Variants in DENND2B observed in about 807,000 individuals in gnomAD.
DENND2B encodes DENN domain containing 2B.
DENND2B carries 32 observed loss-of-function variants against 116.0 expected under a neutral mutation model. The ratio of observed to expected loss-of-function variants is 0.28; its 90% confidence interval spans 0.21 to 0.37. The LOEUF (loss-of-function observed/expected upper bound fraction) is 0.37. Among genes scored for constraint, DENND2B ranks in the 10% least tolerant of loss-of-function variants. The pLI is 1.00. For synonymous variants in DENND2B, 588 were observed against 583.9 expected (o/e 1.01, Z -0.10); for missense variants, 1,276 against 1,477.7 (o/e 0.86, Z 2.24).
At chr11:8,724,139 C>CA (rs2046669963) in intron 4 of DENND2B, among the ~76,000 whole-genome samples, 1 of 151,956 alleles carries the variant, frequency 6.6e-6, no homozygotes, top group Non-Finnish European at 1.5e-5. Flanking sequence ...ACTAAAAATA[C>CA]AAAAAAATTA....
At chr11:8,835,585 G>A (rs1316274462) in intron 4 of DENND2B, 2 of 152,218 alleles carry the variant, frequency 1.3e-5, no homozygotes, top group Non-Finnish European at 2.9e-5. Flanking sequence ...GATGTGAGTA[G>A]GATCTGAAGA....
chr11:8,712,253 AAC>A lies in DENND2B; in HGVS notation c.2172+296_2172+297del, dbSNP rs370427518. ...TTGCACAATTCTGTGAATACACCCA[AAC>A]ACTGAACTGTATACATTAAGTGGGT... is the stretch of plus-strand genomic sequence containing the variant. On this transcript the variant is annotated intron_variant, in intron 9 of 19. Coordinates refer to ENST00000313726, the MANE Select transcript of DENND2B (RefSeq NM_213618.2). This position sits in a 1 kb window ranked among gnomAD's most constrained non-coding sequence, Gnocchi z 4.4. Among the ~76,000 whole-genome samples the A allele has an allele frequency of 3.3e-4, 50 of 152,220 alleles. No homozygotes were observed. The highest frequency in any genetic ancestry group is 1.2e-3 in the African/African-American group (48 of 41,564).
chr11:8,750,351 C>G (rs1385725844), intron 2 of DENND2B, among the ~76,000 whole-genome samples: 1 of 152,222 alleles, frequency 6.6e-6, no homozygotes, highest in Non-Finnish European at 1.5e-5. Context: ...GAAAAGGTTA[C>G]AAGCCAGAAG....
At chr11:8,748,330 G>C (rs1178083905) in intron 2 of DENND2B, among the ~76,000 whole-genome samples, 2 of 152,240 alleles carry the variant, frequency 1.3e-5, no homozygotes, top group African/African-American at 4.8e-5. Flanking sequence ...AAATACCTTG[G>C]AGAAAGAGAA....
At chr11:8,782,220 A>T (rs900238313) in intron 1 of DENND2B, among the ~76,000 whole-genome samples, 27 of 152,228 alleles carry the variant, frequency 1.8e-4, no homozygotes, top group African/African-American at 6.3e-4. Context: ...TTTAGAAATG[A>T]CTTTGAATGA....
chr11:8,885,303 G>T (rs553666225), intron 1 of DENND2B, among the ~76,000 whole-genome samples: 5 of 152,140 alleles, frequency 3.3e-5, no homozygotes, highest in Non-Finnish European at 7.3e-5. Context: ...CCCCACCCAC[G>T]GCTGCCTATA....
At chr11:8,694,159 G>A in intron 19 of DENND2B, 29 bp from the exon 20 acceptor site, 1 of 1,613,976 alleles carries the variant, frequency 6.2e-7, no homozygotes, top group Non-Finnish European at 8.5e-7. Flanking sequence ...AAGAGAGAAT[G>A]TTCAGTGTTA....
intron 4 of DENND2B, chr11:8,831,808 T>C (rs189380835): frequency 6.6e-6 from 1 of 152,310 alleles, no homozygotes; most frequent in East Asian, 1.9e-4. Context: ...TGTGTGTTCA[T>C]GCTCCCTTGG....
intron 2 of DENND2B, among the ~76,000 whole-genome samples, chr11:8,741,993 C>A (rs562598169): frequency 1.3e-5 from 2 of 152,316 alleles, no homozygotes; most frequent in African/African-American, 2.4e-5. Context: ...TGGGCTCAAG[C>A]GAGCCTCCCG....
intron 3 of DENND2B, among the ~76,000 whole-genome samples, chr11:8,854,755 C>A (rs1336900153): frequency 6.6e-6 from 1 of 152,120 alleles, no homozygotes; most frequent in African/African-American, 2.4e-5. Flanking sequence ...CTCTGCCACC[C>A]AGGCTGGAGT....
intron 5 of DENND2B, among the ~76,000 whole-genome samples, chr11:8,716,902 C>G (rs959680871): frequency 3.5e-4 from 54 of 152,340 alleles, no homozygotes; most frequent in African/African-American, 1.3e-3. Context: ...CTTGGCCTCC[C>G]AAAGTGCTAG....
chr11:8,816,931 A>G (rs1454527717), intron 4 of DENND2B, among the ~76,000 whole-genome samples: 1 of 152,212 alleles, frequency 6.6e-6, no homozygotes, highest in Non-Finnish European at 1.5e-5. Flanking sequence ...AAAGCAGCAG[A>G]AAGACTCCTT....
intron 1 of DENND2B, among the ~76,000 whole-genome samples, chr11:8,800,213 C>T (rs541775225): frequency 6.6e-6 from 1 of 152,236 alleles, no homozygotes; most frequent in African/African-American, 2.4e-5. Flanking sequence ...CCTGGCCTCC[C>T]AAAGTGTTAG....
intron 1 of DENND2B, among the ~76,000 whole-genome samples, chr11:8,804,056 G>A (rs1240123404): frequency 1.3e-5 from 2 of 152,214 alleles, no homozygotes; most frequent in Non-Finnish European, 2.9e-5. Flanking sequence ...CCGTCTGTGA[G>A]GAGTGAGCAT....
At chr11:8,778,724 G>C (rs746403491) in intron 1 of DENND2B, among the ~76,000 whole-genome samples, 2 of 152,186 alleles carry the variant, frequency 1.3e-5, no homozygotes, top group African/African-American at 4.8e-5. Context: ...ATGGGGTGCC[G>C]GCCATCACCT....
At chr11:8,733,323 G>A (rs927886379) in intron 2 of DENND2B, among the ~76,000 whole-genome samples, 5 of 152,220 alleles carry the variant, frequency 3.3e-5, no homozygotes, top group African/African-American at 1.2e-4. Context: ...GCCCCTAAGT[G>A]AATGAGTGTC....
intron 1 of DENND2B, among the ~76,000 whole-genome samples, chr11:8,894,036 G>C (rs559172652): frequency 6.6e-6 from 1 of 152,232 alleles, no homozygotes; most frequent in Admixed American, 6.5e-5. Flanking sequence ...CATGGTACTG[G>C]TACCAAAACA....
intron 13 of DENND2B, among the ~76,000 whole-genome samples, chr11:8,706,268 A>G (rs1488064433): frequency 3.3e-5 from 5 of 152,128 alleles, no homozygotes; most frequent in Non-Finnish European, 2.9e-5. Flanking sequence ...AAAAAAATAA[A>G]ATGAAATGAA....
intron 4 of DENND2B, among the ~76,000 whole-genome samples, chr11:8,833,862 G>A (rs192723721): frequency 1.3e-4 from 20 of 152,314 alleles, no homozygotes; most frequent in Non-Finnish European, 2.4e-4. Flanking sequence ...ATAAGGGTCT[G>A]CAGCTGGTTA....
Sources: gnomAD v4.1 joint callset for allele counts (sites outside exome capture counted in the v4.1 genomes callset) on GRCh38, gnomAD v4.1.1 for gene constraint, Gnocchi (gnomAD v3.1) non-coding constraint, MANE v1.5 for transcripts, NCBI Gene and HGNC (gene_info 2026-07-23, HGNC 2026-07-21) for gene names.